The following LRMDA variants were observed in gnomAD, a reference collection of about 807,000 sequenced individuals.
The protein encoded by LRMDA is leucine-rich melanocyte differentiation-associated protein.
In LRMDA, 18 loss-of-function variants were observed where a neutral mutation model predicts 29.8. The observed-to-expected ratio is 0.60, with a 90% confidence interval of 0.42 to 0.90. LRMDA has a LOEUF of 0.90. LRMDA is among the 40% of genes least tolerant of loss of function. The pLI, the probability that LRMDA is intolerant of heterozygous loss-of-function variation, is 0.00. For synonymous variants in LRMDA, 125 were observed against 109.4 expected (o/e 1.14, Z -0.89); for missense variants, 273 against 273.9 (o/e 1.00, Z 0.02).
intron 5 of LRMDA, among the ~76,000 whole-genome samples, chr10:76,202,487 A>G (rs1301004639): frequency 6.6e-6 from 1 of 152,018 alleles, no homozygotes; most frequent in African/African-American, 2.4e-5. Flanking sequence ...CCCTTTAGAA[A>G]TGCATGCATT....
At chr10:75,950,952 G>T (rs1397257008) in intron 2 of LRMDA, among the ~76,000 whole-genome samples, 1 of 152,216 alleles carries the variant, frequency 6.6e-6, no homozygotes, top group African/African-American at 2.4e-5. Context: ...AGCAGGGTAA[G>T]ATCCATGTGC....
At chr10:75,826,250 C>G (rs956307943) in intron 2 of LRMDA, among the ~76,000 whole-genome samples, 1 of 152,076 alleles carries the variant, frequency 6.6e-6, no homozygotes, top group Admixed American at 6.5e-5. Context: ...AAGCTGGAGT[C>G]TCAAAAAGGT....
At chr10:76,097,938 C>T (rs538055316) in intron 5 of LRMDA, among the ~76,000 whole-genome samples, 3 of 152,192 alleles carry the variant, frequency 2.0e-5, no homozygotes, top group African/African-American at 4.8e-5. Context: ...ATTAGCATAT[C>T]TATTATCTCA....
intron 6 of LRMDA, among the ~76,000 whole-genome samples, chr10:76,399,858 A>C (rs931730706): frequency 6.6e-6 from 1 of 151,448 alleles, no homozygotes; most frequent in Non-Finnish European, 1.5e-5. Context: ...GAGTCTAATC[A>C]TTTCCTTCAT....
At chr10:76,063,134 C>T (rs1434171094) in intron 5 of LRMDA, among the ~76,000 whole-genome samples, 1 of 152,170 alleles carries the variant, frequency 6.6e-6, no homozygotes, top group African/African-American at 2.4e-5. Context: ...AAGTTGGCTA[C>T]CAACTGTTTA....
chr10:75,860,700 C>T (rs114225576), intron 2 of LRMDA, among the ~76,000 whole-genome samples: 48 of 152,204 alleles, frequency 3.2e-4, no homozygotes, highest in African/African-American at 7.0e-4. Context: ...AACATTGGAA[C>T]GCTTCTCATA....
intron 2 of LRMDA, among the ~76,000 whole-genome samples, chr10:75,523,330 T>A (rs1845382376): frequency 6.6e-6 from 1 of 152,132 alleles, no homozygotes; most frequent in African/African-American, 2.4e-5. Context: ...CATAACTACA[T>A]GGTGGCTTAT....
intron 2 of LRMDA, among the ~76,000 whole-genome samples, chr10:75,977,991 G>A (rs1847104178): frequency 6.6e-6 from 1 of 152,224 alleles, no homozygotes; most frequent in Admixed American, 6.5e-5. Context: ...TAAAGCGTTT[G>A]GAGGAGAGTG....
At chr10:75,872,306 T>A (rs1054980790) in intron 2 of LRMDA, among the ~76,000 whole-genome samples, 2 of 152,090 alleles carry the variant, frequency 1.3e-5, no homozygotes, top group Non-Finnish European at 2.9e-5. Context: ...CTCTCTTTTT[T>A]TTTTTAATTT....
chr10:76,232,317 A>G (rs1852072881), intron 5 of LRMDA, among the ~76,000 whole-genome samples: 1 of 152,184 alleles, frequency 6.6e-6, no homozygotes, highest in Non-Finnish European at 1.5e-5. Flanking sequence ...GAGTTTGATA[A>G]TTGAATCTAT....
chr10:75,944,762 A>G (rs1846450256), intron 2 of LRMDA, among the ~76,000 whole-genome samples: 1 of 148,474 alleles, frequency 6.7e-6, no homozygotes, highest in Non-Finnish European at 1.5e-5. Context: ...ATAAAATAAA[A>G]TATATATGTA....
In LRMDA at chr10:76,431,404, C is replaced by T. The variant is rs779782020; in HGVS notation, c.601+106919C>T. Among the ~76,000 whole-genome samples, 8 of 152,246 alleles carry T rather than the reference C, an allele frequency of 5.3e-5. No individual in the cohort carries two copies. In the South Asian group the frequency reaches 8.3e-4, roughly 16 times the overall value. ...CACATCAGCCTGCTTCCCTGGGTGACGACAGTGTTAAAAGCACAGACTTCA... is the reference window on the plus strand; with the variant it reads ...CACATCAGCCTGCTTCCCTGGGTGATGACAGTGTTAAAAGCACAGACTTCA... On this transcript the variant is annotated intron_variant, in intron 6 of 6. Transcript: ENST00000611255.
At chr10:75,577,626 G>A (rs1314875990) in intron 2 of LRMDA, among the ~76,000 whole-genome samples, 1 of 152,076 alleles carries the variant, frequency 6.6e-6, no homozygotes. Context: ...AAATATTAAG[G>A]GCAGCCAGAG....
chr10:75,948,467 T>C (rs1846516280), intron 2 of LRMDA, among the ~76,000 whole-genome samples: 1 of 152,184 alleles, frequency 6.6e-6, no homozygotes, highest in Non-Finnish European at 1.5e-5. Flanking sequence ...CCCCATTTGA[T>C]AGGTAGTGGG....
Position 75,636,843 on chromosome 10 carries a change from G to T in LRMDA, c.131+198349G>T, listed in dbSNP as rs192428615. Among the ~76,000 whole-genome samples, 564 of 151,510 alleles carry T rather than the reference G, an allele frequency of 3.7e-3. 4 individuals are homozygous for T. Among genetic ancestry groups the T allele is most frequent in the African/African-American group, 0.012 (488 of 41,328 alleles). Reference sequence around the variant, plus strand: ...TTCTTCTAAGACCAGAATTGGCAAAGACTTTTTTTTTTTTAACTTGTTTAT... The same window carrying T: ...TTCTTCTAAGACCAGAATTGGCAAATACTTTTTTTTTTTTAACTTGTTTAT... On this transcript the variant is annotated intron_variant, in intron 2 of 6. Transcript: ENST00000611255.
intron 2 of LRMDA, among the ~76,000 whole-genome samples, chr10:75,759,770 ATAAT>A (rs551252276): frequency 1.6e-3 from 241 of 152,364 alleles, no homozygotes; most frequent in African/African-American, 5.6e-3. Context: ...TTTAATAAAC[ATAAT>A]TTATTTTTTT....
intron 5 of LRMDA, among the ~76,000 whole-genome samples, chr10:76,298,038 T>G (rs1840433629): frequency 6.6e-6 from 1 of 152,220 alleles, no homozygotes; most frequent in African/African-American, 2.4e-5. Context: ...TAACCTCTCC[T>G]TGTCTTACAC....
intron 2 of LRMDA, among the ~76,000 whole-genome samples, chr10:76,018,510 G>A (rs1161058086): frequency 6.6e-6 from 1 of 151,994 alleles, no homozygotes; most frequent in Non-Finnish European, 1.5e-5. Context: ...GTAATTGCAA[G>A]GTAGTTGAGG....
At chr10:75,901,309 CTT>C (rs58604668) in intron 2 of LRMDA, among the ~76,000 whole-genome samples, 2 of 144,956 alleles carry the variant, frequency 1.4e-5, no homozygotes, top group Non-Finnish European at 1.5e-5. Context: ...TTAATGACAC[CTT>C]TTTTTTTTTT....
Sources: gnomAD v4.1 joint callset for allele counts (sites outside exome capture counted in the v4.1 genomes callset) on GRCh38, gnomAD v4.1.1 for gene constraint, MANE v1.5 for transcripts, NCBI Gene and HGNC (gene_info 2026-07-23, HGNC 2026-07-21) for gene names.